The following DSCAM variants were observed in gnomAD, a reference collection of about 807,000 sequenced individuals.
DSCAM encodes the protein DS cell adhesion molecule.
DSCAM carries 47 observed loss-of-function variants against 217.7 expected under a neutral mutation model. The observed-to-expected ratio is 0.22, with a 90% CI of 0.17 to 0.28. DSCAM has a LOEUF of 0.28. Ranked by LOEUF, DSCAM falls within the 10% of genes least tolerant of loss-of-function variation. The probability of loss-of-function intolerance (pLI) is 1.00; values close to 1 mark genes in which losing one functional copy is unlikely to be tolerated. For missense variants in DSCAM, 2,080 were observed against 2,618.3 expected, an observed-to-expected ratio of 0.79 and a Z score of 4.49; for synonymous variants, 1,056 against 1,015.3, an observed-to-expected ratio of 1.04 and a Z score of -0.76.
chr21:40,306,229 T>C lies in DSCAM; in HGVS notation c.2062+5852A>G, dbSNP rs962390173. On this transcript the variant is annotated intron_variant, in intron 9 of 32. Coordinates refer to ENST00000400454, the MANE Select transcript of DSCAM (RefSeq NM_001389.5). ...ATTGTGAATGGGAGTTCACTCATAA[T>C]TTGGCTCTCTGTTTGTCTGTTATTG... is the stretch of plus-strand genomic sequence containing the variant. Among the ~76,000 whole-genome samples, 42 of 145,038 alleles carry C rather than the reference T, an allele frequency of 2.9e-4. 1 individual carries two copies. The highest frequency in any genetic ancestry group is 5.5e-4 in the Non-Finnish European group (37 of 67,622).
intron 4 of DSCAM, among the ~76,000 whole-genome samples, chr21:40,362,593 C>A (rs1389075309): frequency 6.6e-6 from 1 of 152,120 alleles, no homozygotes; most frequent in Non-Finnish European, 1.5e-5. Flanking sequence ...TGTGTCATTT[C>A]GTTCGCATTC....
At chr21:40,819,160 T>A (rs2091907122) in intron 1 of DSCAM, among the ~76,000 whole-genome samples, 1 of 152,214 alleles carries the variant, frequency 6.6e-6, no homozygotes, top group South Asian at 2.1e-4. Flanking sequence ...CTGATTATTT[T>A]AGGACTGGTT....
intron 2 of DSCAM, among the ~76,000 whole-genome samples, chr21:40,704,352 T>C (rs968102552): frequency 6.6e-6 from 1 of 152,210 alleles, no homozygotes; most frequent in Non-Finnish European, 1.5e-5. Context: ...TATCTTTTCA[T>C]AGCTTGATAG....
At chr21:40,808,832 G>A (rs559197668) in intron 1 of DSCAM, among the ~76,000 whole-genome samples, 1 of 152,230 alleles carries the variant, frequency 6.6e-6, no homozygotes, top group African/African-American at 2.4e-5. Flanking sequence ...GCTATTCAGT[G>A]TGGGCTGGAA....
chr21:40,649,015 A>G (rs1003955856), intron 3 of DSCAM, among the ~76,000 whole-genome samples: 4 of 152,214 alleles, frequency 2.6e-5, no homozygotes, highest in Non-Finnish European at 4.4e-5. Context: ...GCAGGGGGAT[A>G]TCGCCAGCCA....
chr21:40,823,757 T>C (rs987665336), intron 1 of DSCAM, among the ~76,000 whole-genome samples: 9 of 152,192 alleles, frequency 5.9e-5, no homozygotes, highest in Non-Finnish European at 1.2e-4. Flanking sequence ...ACTTGTCAGT[T>C]ATGAGTTGAT....
At chr21:40,693,058 GCATAA>G (rs1327039198) in intron 2 of DSCAM, 102 bp from the exon 3 acceptor site, 4 of 1,292,212 alleles carry the variant, frequency 3.1e-6, no homozygotes, top group Non-Finnish European at 4.2e-6. Context: ...CACATCAATT[GCATAA>G]CATATCTTTC....
At chr21:40,549,689 A>G (rs937284695) in intron 3 of DSCAM, among the ~76,000 whole-genome samples, 3 of 152,224 alleles carry the variant, frequency 2.0e-5, no homozygotes, top group Admixed American at 1.3e-4. Context: ...GACAAGTCAT[A>G]CTTCAGCTCA....
chr21:40,024,270 T>C (rs201587613), intron 32 of DSCAM, among the ~76,000 whole-genome samples: 10,949 of 59,896 alleles, frequency 0.18, 239 homozygotes, highest in Middle Eastern at 0.28. Flanking sequence ...TTGGTTACTG[T>C]AGCCTTGTAG....
intron 28 of DSCAM, among the ~76,000 whole-genome samples, 176 bp downstream of exon 28, chr21:40,062,692 AC>A (rs2089141524): frequency 6.6e-6 from 1 of 152,124 alleles, no homozygotes. Context: ...TTTCATCTAC[AC>A]CTTCAGCTAG....
chr21:40,715,323 C>T (rs982653698), intron 1 of DSCAM, among the ~76,000 whole-genome samples: 2 of 152,188 alleles, frequency 1.3e-5, no homozygotes, highest in African/African-American at 4.8e-5. Flanking sequence ...AGGTATCTTA[C>T]TTGAAACATC....
At chr21:40,228,913 C>G (rs1259233181) in intron 11 of DSCAM, among the ~76,000 whole-genome samples, 1 of 152,132 alleles carries the variant, frequency 6.6e-6, no homozygotes, top group Non-Finnish European at 1.5e-5. Context: ...TATATACACA[C>G]ATCTATGAAT....
chr21:40,032,969 CAGAGG>C (rs879491297), intron 32 of DSCAM, among the ~76,000 whole-genome samples: 2 of 152,272 alleles, frequency 1.3e-5, no homozygotes, highest in East Asian at 3.9e-4. Context: ...CAAAGCATTG[CAGAGG>C]AGGAGGAAGA....
At chr21:40,360,121 GT>G (rs2074742800) in intron 4 of DSCAM, among the ~76,000 whole-genome samples, 2 of 82,632 alleles carry the variant, frequency 2.4e-5, no homozygotes. Flanking sequence ...TTCATAGGTA[GT>G]CTTTTTTTTT....
chr21:40,551,356 C>T (rs1165272842), intron 3 of DSCAM, among the ~76,000 whole-genome samples: 1 of 152,100 alleles, frequency 6.6e-6, no homozygotes, highest in African/African-American at 2.4e-5. Context: ...ATTATTCCAA[C>T]CAATTATTAT....
chr21:40,773,257 AAAC>A (rs1205435510), intron 1 of DSCAM, among the ~76,000 whole-genome samples: 1 of 152,220 alleles, frequency 6.6e-6, no homozygotes, highest in Admixed American at 6.5e-5. Context: ...TGGTTGCTTT[AAAC>A]AATAGAAATT....
intron 32 of DSCAM, among the ~76,000 whole-genome samples, chr21:40,013,697 C>T (rs11911721): frequency 0.047 from 7,187 of 152,226 alleles, 579 homozygotes; most frequent in African/African-American, 0.16. Flanking sequence ...GAAAAACATA[C>T]ATCAAAGGCA....
intron 28 of DSCAM, among the ~76,000 whole-genome samples, chr21:40,058,179 C>A (rs74433537): frequency 0.067 from 10,206 of 152,092 alleles, 422 homozygotes; most frequent in Middle Eastern, 0.14. Flanking sequence ...GCCGGACTCA[C>A]AGTTCTTCTT....
chr21:40,760,635 C>T (rs949884608), intron 1 of DSCAM, among the ~76,000 whole-genome samples: 7 of 152,258 alleles, frequency 4.6e-5, no homozygotes, highest in Non-Finnish European at 8.8e-5. Context: ...GAAGCCTCAG[C>T]AGCTGTGGCA....
Sources: gnomAD v4.1 joint callset for allele counts (sites outside exome capture counted in the v4.1 genomes callset) on GRCh38, gnomAD v4.1.1 for gene constraint, MANE v1.5 for transcripts, NCBI Gene and HGNC (gene_info 2026-07-23, HGNC 2026-07-21) for gene names.